VPS8: variants seen among roughly 807,000 people sequenced by gnomAD.
VPS8 encodes VPS8 subunit of CORVET complex, also known as vacuolar protein sorting-associated protein 8 homolog.
VPS8 carries 129 observed loss-of-function variants against 216.4 expected under a neutral mutation model. That is an observed-to-expected ratio of 0.60 (90% CI 0.52 to 0.69). The LOEUF (loss-of-function observed/expected upper bound fraction) is 0.69. VPS8 is among the 30% of genes least tolerant of loss of function. VPS8 has a pLI of 0.00. For missense variants in VPS8, 1,531 were observed against 1,683.5 expected, an observed-to-expected ratio of 0.91 and a Z score of 1.59; for synonymous variants, 571 against 565.4, an observed-to-expected ratio of 1.01 and a Z score of -0.14.
chr3:185,051,276 G>A (rs958205778), intron 47 of VPS8, among the ~76,000 whole-genome samples: 5 of 152,124 alleles, frequency 3.3e-5, no homozygotes, highest in Admixed American at 2.0e-4. Flanking sequence ...GTCATTGGTG[G>A]GAATAAGGAA....
In VPS8 at chr3:184,983,001, T is replaced by C; in HGVS notation, c.3503-11T>C. ...TAAACTAACCTTAATGTTAATATTTTGTTATAACAGCTCTGAAGTCTTTGA... is the reference window on the plus strand; with the variant it reads ...TAAACTAACCTTAATGTTAATATTTCGTTATAACAGCTCTGAAGTCTTTGA... On this transcript the variant is annotated splice_polypyrimidine_tract_variant and intron_variant, in intron 41 of 47. Coordinates refer to ENST00000625842, the MANE Select transcript of VPS8 (RefSeq NM_001009921.3). 2 of 1,577,886 alleles carry C rather than the reference T, an allele frequency of 1.3e-6. No homozygotes were observed. Among genetic ancestry groups the C allele is most frequent in the Non-Finnish European group, 1.7e-6 (2 of 1,161,814 alleles).
intron 13 of VPS8, 95 bp from the exon 14 acceptor site, chr3:184,855,616 G>A (rs1725091757): frequency 9.9e-7 from 1 of 1,008,868 alleles, no homozygotes; most frequent in African/African-American, 1.7e-5. Context: ...TTTTTATCAA[G>A]GAACACTAGT....
chr3:184,872,526 C>T (rs1728530545), intron 21 of VPS8, among the ~76,000 whole-genome samples: 1 of 151,902 alleles, frequency 6.6e-6, no homozygotes, highest in Non-Finnish European at 1.5e-5. Context: ...TGCTCTGTAA[C>T]CATCTAGCTT....
Position 184,824,357 on chromosome 3 carries a change from C to T in VPS8, c.-88-188C>T, listed in dbSNP as rs894292982. ...CCTTGAGCCCAAGTTAGCTGTTCCT[C>T]CTTTATGCTCTCATTGAAACCCTCT... is the stretch of plus-strand genomic sequence containing the variant. On this transcript the variant is annotated intron_variant, in intron 1 of 47. Coordinates refer to ENST00000625842, the MANE Select transcript of VPS8 (RefSeq NM_001009921.3). 2 of 301,740 alleles carry T rather than the reference C, an allele frequency of 6.6e-6. 1 individual carries two copies. The highest frequency in any genetic ancestry group is 8.9e-5 in the Admixed American group (2 of 22,458). 18.7% of individuals were successfully genotyped at this position (301,740 alleles called of 1,614,324 possible). A position where few individuals can be genotyped will look rare whatever the true frequency, so the allele number is the denominator to read the frequency against.
chr3:185,006,977 C>T (rs1754348920), intron 45 of VPS8, among the ~76,000 whole-genome samples: 1 of 152,200 alleles, frequency 6.6e-6, no homozygotes, highest in Non-Finnish European at 1.5e-5. Flanking sequence ...GTCTTTCTTC[C>T]TGCCACTTCT....
chr3:184,816,675 T>C (rs1716385395), intron 1 of VPS8, among the ~76,000 whole-genome samples: 1 of 152,232 alleles, frequency 6.6e-6, no homozygotes, highest in African/African-American at 2.4e-5. Context: ...GGGAGTCATA[T>C]CAGAGACTGA....
At chr3:184,939,756 G>T (rs1039553750) in intron 35 of VPS8, among the ~76,000 whole-genome samples, 1 of 152,036 alleles carries the variant, frequency 6.6e-6, no homozygotes. Context: ...TGTTAACTTG[G>T]ACCTCAAACT....
At chr3:184,856,729 T>G (rs1321500339) in intron 14 of VPS8, among the ~76,000 whole-genome samples, 2 of 152,206 alleles carry the variant, frequency 1.3e-5, no homozygotes, top group Non-Finnish European at 2.9e-5. Context: ...TCCTAGCTAG[T>G]CTCTGGCCTC....
chr3:184,852,774 T>G (rs1044721646), intron 11 of VPS8, among the ~76,000 whole-genome samples: 1 of 152,130 alleles, frequency 6.6e-6, no homozygotes, highest in African/African-American at 2.4e-5. Flanking sequence ...TAGGTCTGAG[T>G]TGAGATTCTA....
intron 40 of VPS8, among the ~76,000 whole-genome samples, chr3:184,974,345 C>T (rs553959538): frequency 6.6e-6 from 1 of 152,200 alleles, no homozygotes; most frequent in South Asian, 2.1e-4. Flanking sequence ...ATTTGTATGG[C>T]TGACATCTTC....
chr3:185,028,722 C>T (rs1577215090), intron 46 of VPS8, among the ~76,000 whole-genome samples: 2 of 152,214 alleles, frequency 1.3e-5, no homozygotes, highest in South Asian at 4.1e-4. Context: ...CCTGAGCTCA[C>T]AGCGCTCTGA....
intron 45 of VPS8, among the ~76,000 whole-genome samples, chr3:185,009,921 T>C (rs1297189653): frequency 6.6e-6 from 1 of 151,490 alleles, no homozygotes; most frequent in Non-Finnish European, 1.5e-5. Flanking sequence ...AAGGTAACTT[T>C]TGAGTATTCA....
At chr3:184,886,520 TACAC>T (rs910877092) in intron 22 of VPS8, among the ~76,000 whole-genome samples, 25 of 143,180 alleles carry the variant, frequency 1.7e-4, no homozygotes, top group African/African-American at 6.7e-4. Flanking sequence ...CACACACACA[TACAC>T]ATATACACAC....
At chr3:184,911,882 G>A (rs1235257599) in intron 25 of VPS8, among the ~76,000 whole-genome samples, 1 of 152,122 alleles carries the variant, frequency 6.6e-6, no homozygotes, top group African/African-American at 2.4e-5. Flanking sequence ...AACAAACCAT[G>A]TATGAAGTTC....
intron 45 of VPS8, among the ~76,000 whole-genome samples, chr3:185,001,197 G>C (rs1335966456): frequency 6.6e-6 from 1 of 152,124 alleles, no homozygotes; most frequent in Non-Finnish European, 1.5e-5. Context: ...CTCCAATTCA[G>C]TTCAGTTCTG....
At chr3:184,970,652 CT>C (rs1217109329) in intron 39 of VPS8, among the ~76,000 whole-genome samples, 12 of 152,182 alleles carry the variant, frequency 7.9e-5, no homozygotes, top group Non-Finnish European at 1.8e-4. Context: ...GAGCCCAAGT[CT>C]TTGCTCTGTT....
At chr3:184,988,607 CTT>C (rs1751458501) in intron 42 of VPS8, among the ~76,000 whole-genome samples, 1 of 152,184 alleles carries the variant, frequency 6.6e-6, no homozygotes, top group South Asian at 2.1e-4. Flanking sequence ...CAACTTTGCT[CTT>C]CTTCATTATT....
intron 40 of VPS8, among the ~76,000 whole-genome samples, chr3:184,978,417 T>C (rs1310383274): frequency 6.6e-6 from 1 of 151,876 alleles, no homozygotes. Context: ...TTTCCTTCCT[T>C]CTTTTTTTGT....
intron 46 of VPS8, among the ~76,000 whole-genome samples, chr3:185,031,063 G>GTTT (rs765510619): frequency 0.025 from 1,596 of 64,326 alleles, 171 homozygotes; most frequent in East Asian, 0.051. Flanking sequence ...ACAGGTTGGC[G>GTTT]TTTTTTTTTT....
Sources: allele counts gnomAD v4.1 joint callset (sites outside exome capture counted in the v4.1 genomes callset), GRCh38; gene constraint gnomAD v4.1.1; transcripts MANE v1.5; gene names NCBI Gene and HGNC (gene_info 2026-07-23, HGNC 2026-07-21).